Variants in N4BP2L2 observed in about 807,000 individuals in gnomAD.
N4BP2L2 encodes NEDD4-binding protein 2-like 2.
Under a neutral mutation model 56.2 loss-of-function variants are expected in N4BP2L2, and 50 were observed. The observed-to-expected ratio is 0.89, with a 90% CI of 0.71 to 1.13. The LOEUF is 1.13. N4BP2L2 is among the 50% of genes most tolerant of loss of function. The pLI is 0.00. For synonymous variants in N4BP2L2, 203 were observed against 223.6 expected, an observed-to-expected ratio of 0.91 and a Z score of 0.82; for missense variants, 689 against 693.8, an observed-to-expected ratio of 0.99 and a Z score of 0.08.
In N4BP2L2 at chr13:32,524,064, G is replaced by C. The variant is rs1386808225; in HGVS notation, c.1385-1794C>G. On this transcript the variant is annotated intron_variant, in intron 3 of 5. Transcript: ENST00000267068. Reference sequence around the variant, plus strand: ...ATGAAAACATTTATACAGATGTCTAGGACAGACAGAATGCTAAAGGTCAGT... The same window carrying C: ...ATGAAAACATTTATACAGATGTCTACGACAGACAGAATGCTAAAGGTCAGT... 8.5e-5 allele frequency: 13 copies of C among 152,302 alleles called. No individual in the cohort carries two copies. In the South Asian group the frequency reaches 1.9e-3, roughly 22 times the overall value. The allele number at this position is 152,302 out of a possible 1,614,324, so 9.4% of individuals were successfully genotyped here. A position where few individuals can be genotyped will look rare whatever the true frequency, so the allele number is the denominator to read the frequency against.
chr13:32,506,606 G>C (rs1227467968), downstream of N4BP2L2: 6 of 152,154 alleles, frequency 3.9e-5, no homozygotes, highest in African/African-American at 1.2e-4. Flanking sequence ...GAGCACATAA[G>C]ATGTATTTGG....
chr13:32,453,181 A>G (rs1447745543), intron 6 of N4BP2L2, among the ~76,000 whole-genome samples: 1 of 152,200 alleles, frequency 6.6e-6, no homozygotes, highest in Non-Finnish European at 1.5e-5. Context: ...GCTTGAGCCA[A>G]AGAGGCGGAG....
At chr13:32,474,776 T>G (rs549995139) in intron 6 of N4BP2L2, among the ~76,000 whole-genome samples, 4 of 152,268 alleles carry the variant, frequency 2.6e-5, no homozygotes, top group Admixed American at 2.0e-4. Context: ...TACTTTGATT[T>G]AAAAAAGTCA....
intron 6 of N4BP2L2, among the ~76,000 whole-genome samples, chr13:32,494,646 A>G (rs946593341): frequency 6.6e-6 from 1 of 151,838 alleles, no homozygotes; most frequent in African/African-American, 2.4e-5. Flanking sequence ...GGCGCCTGTA[A>G]TCCCAGCTAC....
intron 6 of N4BP2L2, chr13:32,478,092 T>C: frequency 7.9e-7 from 1 of 1,273,130 alleles, no homozygotes; most frequent in Admixed American, 2.3e-5. Context: ...GCTTATACAC[T>C]GGAATGAAGA....
chr13:32,538,063 C>G (rs1594137780), intron 1 of N4BP2L2, among the ~76,000 whole-genome samples: 2 of 125,498 alleles, frequency 1.6e-5, no homozygotes, highest in East Asian at 4.8e-4. Context: ...AGAGGGAGAC[C>G]CCGTCTTGGG....
intron 7 of N4BP2L2, among the ~76,000 whole-genome samples, chr13:32,441,859 T>C (rs989454751): frequency 2.2e-4 from 33 of 149,388 alleles, no homozygotes; most frequent in East Asian, 5.8e-4. Context: ...CTGGCTAACA[T>C]GGTGAAACCT....
intron 6 of N4BP2L2, chr13:32,477,576 A>G (rs531547896): frequency 3.7e-6 from 1 of 267,544 alleles, no homozygotes; most frequent in Non-Finnish European, 7.5e-6. Flanking sequence ...CTTCCAGTGA[A>G]CCTCAGTTGA....
At chr13:32,528,021 C>T (rs1447855452) in intron 2 of N4BP2L2, among the ~76,000 whole-genome samples, 2 of 152,158 alleles carry the variant, frequency 1.3e-5, no homozygotes, top group Non-Finnish European at 1.5e-5. Flanking sequence ...CCACCTGCCT[C>T]GGCCTCCCAA....
chr13:32,537,141 G>C (rs765744149), intron 1 of N4BP2L2, 114 bp from the exon 2 acceptor site: 26 of 756,362 alleles, frequency 3.4e-5, no homozygotes, highest in Non-Finnish European at 4.0e-5. Context: ...TATATTTAAT[G>C]GTAACAATTT....
chr13:32,504,650 GAC>G (rs763363634), intron 6 of N4BP2L2: 1 of 152,068 alleles, frequency 6.6e-6, no homozygotes, highest in Non-Finnish European at 1.5e-5. Flanking sequence ...GTCCTTCTCA[GAC>G]ACAAAACACA....
At chr13:32,527,737 T>C (rs536163707) in intron 2 of N4BP2L2, among the ~76,000 whole-genome samples, 21 of 151,744 alleles carry the variant, frequency 1.4e-4, no homozygotes, top group African/African-American at 4.8e-4. Flanking sequence ...TTCAAATCAC[T>C]TTACACTTAA....
chr13:32,466,997 A>C (rs948302598), intron 6 of N4BP2L2, among the ~76,000 whole-genome samples: 38 of 152,222 alleles, frequency 2.5e-4, no homozygotes, highest in Non-Finnish European at 5.9e-5. Flanking sequence ...TTAGTAAGGC[A>C]TTTTAAATAA....
chr13:32,493,720 C>A (rs752993711), intron 6 of N4BP2L2, among the ~76,000 whole-genome samples: 3 of 152,146 alleles, frequency 2.0e-5, no homozygotes, highest in African/African-American at 7.2e-5. Context: ...AGGAAATAAA[C>A]CTTCATATAA....
At chr13:32,538,308 T>A (rs1355003361) in intron 1 of N4BP2L2, among the ~76,000 whole-genome samples, 1 of 152,118 alleles carries the variant, frequency 6.6e-6, no homozygotes, top group South Asian at 2.1e-4. Flanking sequence ...TCATTCGAAA[T>A]GTGTCAGAAA....
intron 7 of N4BP2L2, among the ~76,000 whole-genome samples, chr13:32,442,054 A>C (rs1593406067): frequency 6.6e-6 from 1 of 152,184 alleles, no homozygotes; most frequent in Non-Finnish European, 1.5e-5. Context: ...ACAGCCTGGG[A>C]GACAGAGCGA....
intron 6 of N4BP2L2, chr13:32,480,730 C>A (rs1276945760): frequency 5.9e-6 from 4 of 676,118 alleles, no homozygotes; most frequent in Non-Finnish European, 8.9e-6. Flanking sequence ...TGTGCTACTA[C>A]TATTTTCATT....
intron 6 of N4BP2L2, among the ~76,000 whole-genome samples, chr13:32,463,937 A>AAAAAAAG (rs1449657864): frequency 2.7e-5 from 4 of 150,594 alleles, no homozygotes; most frequent in Admixed American, 6.6e-5. Context: ...AAAAAAAAAA[A>AAAAAAAG]AGGTAAAGGG....
At chr13:32,445,324 T>C (rs1248016699) in intron 6 of N4BP2L2, among the ~76,000 whole-genome samples, 1 of 152,232 alleles carries the variant, frequency 6.6e-6, no homozygotes, top group African/African-American at 2.4e-5. Flanking sequence ...TATGGTATTA[T>C]AATCTCATGG....
Sources: allele counts gnomAD v4.1 joint callset (sites outside exome capture counted in the v4.1 genomes callset), GRCh38; gene constraint gnomAD v4.1.1; transcripts MANE v1.5; gene names NCBI Gene and HGNC (gene_info 2026-07-23, HGNC 2026-07-21).